Variants in ASTN2 observed in about 807,000 individuals in gnomAD.
The protein encoded by ASTN2 is astrotactin 2, also known as astrotactin-2.
Under a neutral mutation model 139.8 loss-of-function variants are expected in ASTN2, and 54 were observed. The ratio of observed to expected loss-of-function variants is 0.39; its 90% CI spans 0.31 to 0.48. The LOEUF (loss-of-function observed/expected upper bound fraction) is 0.48, where lower values mean the gene tolerates loss of function less well. Ranked by LOEUF, ASTN2 falls within the 20% of genes least tolerant of loss-of-function variation. ASTN2 has a pLI of 0.95. For synonymous variants in ASTN2, 756 were observed against 719.5 expected (o/e 1.05, Z -0.81); for missense variants, 1,565 against 1,725.1 (o/e 0.91, Z 1.64).
intron 9 of ASTN2, 101 bp downstream of exon 9, chr9:116,976,013 G>A (rs1199508299): frequency 2.6e-5 from 29 of 1,131,202 alleles, no homozygotes; most frequent in Non-Finnish European, 3.8e-5. Flanking sequence ...GTGCAGCTCA[G>A]AAGTGCACAG....
At chr9:117,013,723 A>C (rs1482018228) in intron 6 of ASTN2, among the ~76,000 whole-genome samples, 1 of 152,130 alleles carries the variant, frequency 6.6e-6, no homozygotes, top group African/African-American at 2.4e-5. Flanking sequence ...GCCACTCTGT[A>C]GCATACTCTG....
At position 116,851,512 on chromosome 9, in the gene ASTN2, A is replaced by G. The variant is rs558194724; in HGVS notation, c.2040+12071T>C. On this transcript the variant is annotated intron_variant, in intron 11 of 22. Coordinates refer to ENST00000313400, the MANE Select transcript of ASTN2 (RefSeq NM_001365068.1). ...TATCTATCTATCTATCTATCTATCT[A>G]TCTAGTTATCTATCTATCTTATAGT... is the stretch of plus-strand genomic sequence containing the variant. Among the ~76,000 whole-genome samples, 3 of 151,216 alleles carry G rather than the reference A, an allele frequency of 2.0e-5. No individual in the cohort carries two copies. In the East Asian group the frequency reaches 5.8e-4, roughly 29 times the overall value.
chr9:116,773,337 C>G (rs542152263), intron 13 of ASTN2, among the ~76,000 whole-genome samples: 4 of 152,268 alleles, frequency 2.6e-5, no homozygotes, highest in Admixed American at 2.6e-4. Context: ...AAGCTTTTTC[C>G]TCTCTGAAAG....
chr9:116,465,360 G>A (rs1038286921), intron 20 of ASTN2, among the ~76,000 whole-genome samples: 4 of 152,218 alleles, frequency 2.6e-5, no homozygotes, highest in African/African-American at 7.2e-5. Flanking sequence ...CAGAATGGGA[G>A]CAACTGGCTG....
chr9:116,786,430 T>C (rs562113587), intron 13 of ASTN2, among the ~76,000 whole-genome samples: 28 of 152,302 alleles, frequency 1.8e-4, no homozygotes, highest in African/African-American at 6.3e-4. Flanking sequence ...GTCAGTGTCA[T>C]AGAATAAGTG....
chr9:116,610,292 C>CA (rs1855468392), intron 19 of ASTN2, among the ~76,000 whole-genome samples: 1 of 152,068 alleles, frequency 6.6e-6, no homozygotes, highest in Admixed American at 6.6e-5. Flanking sequence ...ACTTTTAATA[C>CA]AAAGCAATGA....
chr9:117,041,569 A>G (rs568008565), intron 5 of ASTN2, among the ~76,000 whole-genome samples: 45 of 152,022 alleles, frequency 3.0e-4, no homozygotes, highest in African/African-American at 8.9e-4. Context: ...CTTCTATTGT[A>G]TGTTTGCTTG....
intron 13 of ASTN2, among the ~76,000 whole-genome samples, chr9:116,747,574 C>G (rs1829278150): frequency 6.6e-6 from 1 of 152,016 alleles, no homozygotes; most frequent in African/African-American, 2.4e-5. Context: ...TTCCTGGAGT[C>G]ATGTACAATT....
At chr9:116,742,259 G>C (rs1230011859) in intron 13 of ASTN2, among the ~76,000 whole-genome samples, 2 of 152,170 alleles carry the variant, frequency 1.3e-5, no homozygotes, top group Non-Finnish European at 2.9e-5. Flanking sequence ...TCTATCAAAA[G>C]ACAGACCTGC....
chr9:117,323,069 A>G (rs1165826998), intron 1 of ASTN2, among the ~76,000 whole-genome samples: 3 of 152,124 alleles, frequency 2.0e-5, no homozygotes, highest in African/African-American at 7.2e-5. Flanking sequence ...ATTTAGTTTT[A>G]GCCCTGATGT....
At chr9:116,856,135 G>A (rs1832733581) in intron 11 of ASTN2, among the ~76,000 whole-genome samples, 1 of 152,188 alleles carries the variant, frequency 6.6e-6, no homozygotes, top group South Asian at 2.1e-4. Flanking sequence ...CCTGCCTGCT[G>A]CCTTTGCATC....
At chr9:117,188,618 G>A (rs1341407551) in intron 3 of ASTN2, among the ~76,000 whole-genome samples, 2 of 152,160 alleles carry the variant, frequency 1.3e-5, no homozygotes, top group African/African-American at 4.8e-5. Context: ...TGCCAAAGAT[G>A]TTAACCACCC....
chr9:116,838,895 C>T (rs1373943132), intron 11 of ASTN2, among the ~76,000 whole-genome samples: 1 of 152,128 alleles, frequency 6.6e-6, no homozygotes, highest in Non-Finnish European at 1.5e-5. Context: ...GGAAAATTAG[C>T]TCTGAAGTAT....
At chr9:117,399,109 T>C (rs1246941773) in intron 1 of ASTN2, among the ~76,000 whole-genome samples, 1 of 152,130 alleles carries the variant, frequency 6.6e-6, no homozygotes, top group Non-Finnish European at 1.5e-5. Flanking sequence ...AGGTTGGAAA[T>C]ACAATAAACA....
chr9:117,125,920 C>G (rs1389870662), intron 4 of ASTN2, among the ~76,000 whole-genome samples: 1 of 152,072 alleles, frequency 6.6e-6, no homozygotes, highest in Non-Finnish European at 1.5e-5. Flanking sequence ...GTGGTATCAT[C>G]ATTTAACCTT....
chr9:116,723,613 C>A (rs1205856991), intron 16 of ASTN2, among the ~76,000 whole-genome samples: 1 of 152,208 alleles, frequency 6.6e-6, no homozygotes, highest in Non-Finnish European at 1.5e-5. Context: ...TACTAGCTAT[C>A]TTTAAGTCCA....
chr9:117,326,934 C>T (rs144370653), intron 1 of ASTN2, among the ~76,000 whole-genome samples: 118 of 152,246 alleles, frequency 7.8e-4, no homozygotes, highest in African/African-American at 2.7e-3. Context: ...TCCTCAAGGA[C>T]GTAGAGCAAT....
intron 1 of ASTN2, among the ~76,000 whole-genome samples, chr9:117,327,066 A>G (rs1339170269): frequency 6.6e-6 from 1 of 152,170 alleles, no homozygotes. Flanking sequence ...ATCAGACATT[A>G]GAGTCTCATG....
At chr9:117,177,781 C>A (rs756000070) in intron 3 of ASTN2, among the ~76,000 whole-genome samples, 21 of 152,134 alleles carry the variant, frequency 1.4e-4, no homozygotes, top group Non-Finnish European at 2.6e-4. Flanking sequence ...TTGTTATATG[C>A]AGCAACCTGC....
Sources: gnomAD v4.1 joint callset for allele counts (sites outside exome capture counted in the v4.1 genomes callset) on GRCh38, gnomAD v4.1.1 for gene constraint, MANE v1.5 for transcripts, NCBI Gene and HGNC (gene_info 2026-07-23, HGNC 2026-07-21) for gene names.